CDH12: variants seen among roughly 807,000 people sequenced by gnomAD.
CDH12 encodes cadherin 12, also known as cadherin-12.
Under a neutral mutation model 74.1 loss-of-function variants are expected in CDH12, and 41 were observed. The ratio of observed to expected loss-of-function variants is 0.55; its 90% confidence interval spans 0.43 to 0.72. The LOEUF (loss-of-function observed/expected upper bound fraction) is 0.72, where lower values mean the gene tolerates loss of function less well. Among genes scored for constraint, CDH12 ranks in the 30% least tolerant of loss-of-function variants. CDH12 has a pLI of 0.00. For synonymous variants in CDH12, 399 were observed against 355.0 expected (o/e 1.12, Z -1.39); for missense variants, 945 against 977.2 (o/e 0.97, Z 0.44).
chr5:22,580,373 G>A, intron 1 of CDH12: 1 of 472,526 alleles, frequency 2.1e-6, no homozygotes, highest in Admixed American at 2.3e-5. Context: ...TGCACACCAA[G>A]TGCACGTGGT....
At chr5:22,329,570 CATA>C (rs1739261040) in intron 3 of CDH12, among the ~76,000 whole-genome samples, 1 of 152,216 alleles carries the variant, frequency 6.6e-6, no homozygotes, top group Non-Finnish European at 1.5e-5. Context: ...GGTGAGCAAT[CATA>C]GTACCTTGTT....
chr5:22,634,975 G>A (rs1349023332), intron 1 of CDH12, among the ~76,000 whole-genome samples: 1 of 136,988 alleles, frequency 7.3e-6, no homozygotes, highest in Non-Finnish European at 1.5e-5. Context: ...ATCACAGTTG[G>A]ATTTTTTTTT....
intron 1 of CDH12, among the ~76,000 whole-genome samples, chr5:22,842,905 C>T (rs929271906): frequency 6.6e-6 from 1 of 151,974 alleles, no homozygotes; most frequent in African/African-American, 2.4e-5. Flanking sequence ...GAGATAATGC[C>T]TTTATACATA....
At chr5:22,734,764 T>G (rs1418751751) in intron 1 of CDH12, among the ~76,000 whole-genome samples, 1 of 151,960 alleles carries the variant, frequency 6.6e-6, no homozygotes, top group Admixed American at 6.6e-5. Context: ...GATAATGTTC[T>G]TAGTAGCAGT....
At chr5:22,831,565 A>C (rs911877353) in intron 1 of CDH12, among the ~76,000 whole-genome samples, 2 of 152,000 alleles carry the variant, frequency 1.3e-5, no homozygotes, top group Non-Finnish European at 2.9e-5. Flanking sequence ...AAAAACAAAA[A>C]CCAGGAAGAC....
intron 4 of CDH12, among the ~76,000 whole-genome samples, chr5:22,171,508 A>T (rs1198585308): frequency 2.0e-5 from 3 of 151,948 alleles, no homozygotes; most frequent in African/African-American, 7.2e-5. Context: ...TGAGCTAAGC[A>T]AAGGGCGGCC....
At chr5:22,399,144 G>GTA (rs1273057736) in intron 3 of CDH12, among the ~76,000 whole-genome samples, 6 of 151,904 alleles carry the variant, frequency 3.9e-5, no homozygotes, top group Non-Finnish European at 7.4e-5. Context: ...CAATCTGTAT[G>GTA]TATATACATA....
chr5:21,820,807 G>A (rs1748325548), intron 8 of CDH12, among the ~76,000 whole-genome samples: 1 of 151,924 alleles, frequency 6.6e-6, no homozygotes, highest in South Asian at 2.1e-4. Context: ...AAGTTGGATT[G>A]TTCATGATGT....
intron 10 of CDH12, among the ~76,000 whole-genome samples, chr5:21,784,469 A>G (rs1746091767): frequency 6.6e-6 from 1 of 152,196 alleles, no homozygotes. Context: ...AAATTAACAT[A>G]GTTAGAAAAT....
chr5:22,249,242 C>A (rs1753057397), intron 3 of CDH12, among the ~76,000 whole-genome samples: 1 of 152,192 alleles, frequency 6.6e-6, no homozygotes, highest in Middle Eastern at 3.4e-3. Context: ...TTCCCTGGAC[C>A]CCTGTGAATT....
At chr5:22,600,560 G>T (rs1736808849) in intron 1 of CDH12, among the ~76,000 whole-genome samples, 1 of 151,896 alleles carries the variant, frequency 6.6e-6, no homozygotes, top group Non-Finnish European at 1.5e-5. Context: ...GCATAGAGTT[G>T]TTATTTATTC....
At position 22,571,520 on chromosome 5, in the gene CDH12, T is replaced by G. The variant is rs935305445; in HGVS notation, c.-522-66156A>C. Among the ~76,000 whole-genome samples, 81 of 151,920 alleles carry G rather than the reference T, an allele frequency of 5.3e-4. 5 individuals are homozygous for G. Reference sequence around the variant, plus strand: ...TTTGTATTTTTGGTAGATACGGGGGTTTCTCTATGTTGGTCAGGCTGGTCT... The same window carrying G: ...TTTGTATTTTTGGTAGATACGGGGGGTTCTCTATGTTGGTCAGGCTGGTCT... On this transcript the variant is annotated intron_variant, in intron 1 of 14. Coordinates refer to ENST00000382254, the MANE Select transcript of CDH12 (RefSeq NM_004061.5).
chr5:22,438,719 A>C (rs1314548337), intron 2 of CDH12, among the ~76,000 whole-genome samples: 1 of 151,964 alleles, frequency 6.6e-6, no homozygotes, highest in Non-Finnish European at 1.5e-5. Context: ...CAATGCTTTG[A>C]CTCTATAAAC....
chr5:21,945,243 G>T (rs1331700500), intron 6 of CDH12, among the ~76,000 whole-genome samples: 2 of 151,524 alleles, frequency 1.3e-5, no homozygotes, highest in Non-Finnish European at 3.0e-5. Context: ...TGTCCAACAT[G>T]GCGAAACCCC....
intron 14 of CDH12, among the ~76,000 whole-genome samples, chr5:21,755,336 A>G (rs1016223500): frequency 1.3e-5 from 2 of 152,180 alleles, no homozygotes; most frequent in African/African-American, 4.8e-5. Context: ...TAGGTCTTGA[A>G]CATATTTTTG....
At chr5:22,470,444 TCTCA>T (rs1416444785) in intron 2 of CDH12, among the ~76,000 whole-genome samples, 1 of 148,548 alleles carries the variant, frequency 6.7e-6, no homozygotes, top group Non-Finnish European at 1.5e-5. Flanking sequence ...AGAAACAGGG[TCTCA>T]CTGTTTGTTG....
At chr5:22,580,507 C>A in intron 1 of CDH12, 1 of 479,768 alleles carries the variant, frequency 2.1e-6, no homozygotes, top group Admixed American at 2.3e-5. Context: ...GAGAGTGAGC[C>A]GGGGACTTCA....
At chr5:22,595,459 T>C (rs1043862223) in intron 1 of CDH12, among the ~76,000 whole-genome samples, 4 of 152,234 alleles carry the variant, frequency 2.6e-5, no homozygotes, top group African/African-American at 9.6e-5. Flanking sequence ...TTGATCATTA[T>C]AGTAATGTTT....
intron 3 of CDH12, among the ~76,000 whole-genome samples, chr5:22,243,975 A>C (rs1350022818): frequency 2.6e-5 from 4 of 152,202 alleles, no homozygotes; most frequent in Non-Finnish European, 5.9e-5. Context: ...AAAAGGGATA[A>C]ATTAAATTGG....
Sources: allele counts gnomAD v4.1 joint callset (sites outside exome capture counted in the v4.1 genomes callset), GRCh38; gene constraint gnomAD v4.1.1; transcripts MANE v1.5; gene names NCBI Gene and HGNC (gene_info 2026-07-23, HGNC 2026-07-21).